The following MCF2L2 variants were observed in gnomAD, a reference collection of about 807,000 sequenced individuals.
The protein encoded by MCF2L2 is probable guanine nucleotide exchange factor MCF2L2.
A neutral mutation model predicts 150.2 loss-of-function variants in MCF2L2; 102 were observed. That is an observed-to-expected ratio of 0.68 (90% CI 0.58 to 0.80). The LOEUF (loss-of-function observed/expected upper bound fraction) is 0.80. Among genes scored for constraint, MCF2L2 ranks in the 30% least tolerant of loss-of-function variants. The probability of loss-of-function intolerance (pLI) is 0.00; values close to 1 mark genes in which losing one functional copy is unlikely to be tolerated. For missense variants in MCF2L2, 1,256 were observed against 1,372.8 expected (o/e 0.91, Z 1.34); for synonymous variants, 465 against 491.3 (o/e 0.95, Z 0.71).
At chr3:183,368,826 G>C (rs1430364271) in intron 3 of MCF2L2, among the ~76,000 whole-genome samples, 1 of 152,136 alleles carries the variant, frequency 6.6e-6, no homozygotes, top group Non-Finnish European at 1.5e-5. Flanking sequence ...GCCGACCTCT[G>C]ACCTGGACTA....
intron 3 of MCF2L2, among the ~76,000 whole-genome samples, chr3:183,371,724 C>G (rs961866346): frequency 6.6e-6 from 1 of 151,600 alleles, no homozygotes; most frequent in Non-Finnish European, 1.5e-5. Context: ...GTGATTCACC[C>G]TCCTCAGCCT....
At chr3:183,361,666 C>G (rs1362565955) in intron 3 of MCF2L2, among the ~76,000 whole-genome samples, 1 of 152,170 alleles carries the variant, frequency 6.6e-6, no homozygotes, top group African/African-American at 2.4e-5. Flanking sequence ...ATAAATTAAC[C>G]AGTCTCAGGT....
At chr3:183,422,329 G>A (rs1286826369) in intron 1 of MCF2L2, among the ~76,000 whole-genome samples, 1 of 152,128 alleles carries the variant, frequency 6.6e-6, no homozygotes, top group Non-Finnish European at 1.5e-5. Flanking sequence ...CAGTTATTTG[G>A]GGGAGAGCTT....
chr3:183,326,905 TCAA>T (rs1285562279), intron 5 of MCF2L2, among the ~76,000 whole-genome samples: 3 of 152,078 alleles, frequency 2.0e-5, no homozygotes, highest in Non-Finnish European at 4.4e-5. Context: ...CAAAGGTAAT[TCAA>T]TGGAGAAATA....
intron 15 of MCF2L2, among the ~76,000 whole-genome samples, chr3:183,233,647 T>C (rs981328018): frequency 6.6e-6 from 1 of 152,148 alleles, no homozygotes; most frequent in Admixed American, 6.5e-5. Flanking sequence ...CAAAGAAACT[T>C]AACACATTGT....
intron 9 of MCF2L2, 135 bp from the exon 10 acceptor site, chr3:183,309,970 T>A (rs79706532): frequency 0.018 from 13,999 of 778,244 alleles, 313 homozygotes; most frequent in East Asian, 0.13. Context: ...ATGTTAAAAA[T>A]TTTTTTTTTG....
At chr3:183,222,616 G>C (rs989521750) in intron 20 of MCF2L2, among the ~76,000 whole-genome samples, 1 of 149,156 alleles carries the variant, frequency 6.7e-6, no homozygotes, top group Non-Finnish European at 1.5e-5. Flanking sequence ...GTAGGTGCTT[G>C]TTTTTGTTTT....
chr3:183,276,833 ACCCCCTCG>A, intron 15 of MCF2L2, 31 bp downstream of exon 15: 1 of 1,467,304 alleles, frequency 6.8e-7, no homozygotes, highest in Non-Finnish European at 9.4e-7. Flanking sequence ...CATGCCCCGC[ACCCCCTCG>A]CCCCCTGCAC....
chr3:183,220,282 C>T (rs1159893831), intron 20 of MCF2L2, among the ~76,000 whole-genome samples: 1 of 151,588 alleles, frequency 6.6e-6, no homozygotes, highest in Non-Finnish European at 1.5e-5. Flanking sequence ...GAATATTTTC[C>T]CATGATATTA....
chr3:183,402,451 C>CAAAAAAAAAAAAAAAAAAAAAAAA (rs779201489), intron 1 of MCF2L2, among the ~76,000 whole-genome samples: 28 of 54,758 alleles, frequency 5.1e-4, no homozygotes, highest in Non-Finnish European at 8.6e-4. Context: ...GAGACTCCAT[C>CAAAAAAAAAAAAAAAAAAAAAAAA]AAAAAAAAAA....
intron 6 of MCF2L2, among the ~76,000 whole-genome samples, chr3:183,320,433 T>C (rs1729766738): frequency 6.6e-6 from 1 of 152,196 alleles, no homozygotes; most frequent in Admixed American, 6.5e-5. Flanking sequence ...CTAGATCTTC[T>C]GGATAACTTG....
At chr3:183,246,156 T>C (rs896359703) in intron 15 of MCF2L2, among the ~76,000 whole-genome samples, 1 of 152,230 alleles carries the variant, frequency 6.6e-6, no homozygotes, top group Non-Finnish European at 1.5e-5. Flanking sequence ...TTGTATGGCA[T>C]TTTAGGTATT....
intron 15 of MCF2L2, among the ~76,000 whole-genome samples, chr3:183,260,497 CT>C (rs1043082558): frequency 9.9e-5 from 15 of 152,122 alleles, no homozygotes; most frequent in African/African-American, 3.6e-4. Context: ...TATATGTCAG[CT>C]TTTTTATTTG....
chr3:183,270,835 A>G lies in MCF2L2; in HGVS notation c.1862+6037T>C. On this transcript the variant is annotated intron_variant, in intron 15 of 29. Transcript: ENST00000328913. The surrounding 1 kb of genome is among the most constrained non-coding windows in gnomAD (Gnocchi z 4.5). ...GATCCTAAAGTAAAAACCATTTCCAAAGGTTTTTTTGGTCAAATATACTGC... is the reference window on the plus strand; with the variant it reads ...GATCCTAAAGTAAAAACCATTTCCAGAGGTTTTTTTGGTCAAATATACTGC... The G allele has an allele frequency of 3.1e-6, 5 of 1,613,894 alleles. No individual in the cohort carries two copies. Among genetic ancestry groups the G allele is most frequent in the Middle Eastern group, 1.6e-4 (1 of 6,062 alleles).
intron 15 of MCF2L2, among the ~76,000 whole-genome samples, chr3:183,258,678 C>T (rs2108409040): frequency 6.6e-6 from 1 of 152,292 alleles, no homozygotes; most frequent in Middle Eastern, 3.4e-3. Flanking sequence ...GCTCAAGTCC[C>T]TTATATAAAA....
chr3:183,282,508 T>C (rs981886395), intron 14 of MCF2L2, among the ~76,000 whole-genome samples: 5 of 152,184 alleles, frequency 3.3e-5, no homozygotes, highest in Non-Finnish European at 7.3e-5. Context: ...TTTAATAAAT[T>C]TGCAAATATG....
At chr3:183,183,992 T>C (rs1721613469) in intron 27 of MCF2L2, among the ~76,000 whole-genome samples, 1 of 152,184 alleles carries the variant, frequency 6.6e-6, no homozygotes, top group African/African-American at 2.4e-5. Context: ...AATCTGATTA[T>C]AGCAAAACTG....
intron 26 of MCF2L2, among the ~76,000 whole-genome samples, chr3:183,193,651 A>G (rs1370636205): frequency 6.6e-6 from 1 of 152,166 alleles, no homozygotes; most frequent in Non-Finnish European, 1.5e-5. Flanking sequence ...AAGGGGGAAG[A>G]GATGAGGAGG....
intron 3 of MCF2L2, among the ~76,000 whole-genome samples, chr3:183,352,651 C>T (rs1024735116): frequency 1.3e-5 from 2 of 152,138 alleles, no homozygotes; most frequent in South Asian, 4.1e-4. Context: ...AAGAACAGCG[C>T]TTTGAGGGAC....
Sources: allele counts gnomAD v4.1 joint callset (sites outside exome capture counted in the v4.1 genomes callset), GRCh38; gene constraint gnomAD v4.1.1; non-coding constraint Gnocchi (gnomAD v3.1); transcripts MANE v1.5; gene names NCBI Gene and HGNC (gene_info 2026-07-23, HGNC 2026-07-21).